Variants in KIF1B observed in about 807,000 individuals in gnomAD.
The protein encoded by KIF1B is kinesin family member 1B, also known as kinesin-like protein KIF1B.
In KIF1B, 76 loss-of-function variants were observed where a neutral mutation model predicts 241.9. The observed-to-expected ratio is 0.31, with a 90% CI of 0.26 to 0.38. KIF1B has a LOEUF of 0.38. Ranked by LOEUF, KIF1B falls within the 10% of genes least tolerant of loss-of-function variation. The probability of loss-of-function intolerance (pLI) is 1.00; values close to 1 mark genes in which losing one functional copy is unlikely to be tolerated. For synonymous variants in KIF1B, 750 were observed against 796.7 expected (o/e 0.94, Z 0.99); for missense variants, 1,622 against 2,271.4 (o/e 0.71, Z 5.81).
At chr1:10,234,365 G>A (rs185381005) in intron 2 of KIF1B, among the ~76,000 whole-genome samples, 1 of 151,954 alleles carries the variant, frequency 6.6e-6, no homozygotes, top group African/African-American at 2.4e-5. Flanking sequence ...CCACCACTAT[G>A]CCTGGCTAAT....
At chr1:10,319,565 C>T (rs1237651615) in intron 22 of KIF1B, among the ~76,000 whole-genome samples, 1 of 152,164 alleles carries the variant, frequency 6.6e-6, no homozygotes, top group Non-Finnish European at 1.5e-5. Flanking sequence ...AAAGAGGAAG[C>T]ATCAAAGTCT....
Position 10,378,561 on chromosome 1 carries a change from T to G in KIF1B, c.*1974T>G. 1 of 651,462 alleles carries G rather than the reference T, an allele frequency of 1.5e-6. No individual in the cohort carries two copies. The highest frequency in any genetic ancestry group is 2.8e-6 in the Non-Finnish European group (1 of 356,312). The allele number at this position is 651,462 out of a possible 1,614,324, so 40.4% of individuals were successfully genotyped here. ...CAGGAAAGTATCTGCTCACTCCCAC[T>G]TGGTGAGTCCTCGGCCTTGAGGTTG... On this transcript the variant is annotated 3_prime_UTR_variant, in exon 49 of 49. Coordinates refer to ENST00000676179, the MANE Select transcript of KIF1B (RefSeq NM_001365951.3).
In KIF1B at chr1:10,381,028, C is replaced by T. The variant is rs1391503475; in HGVS notation, c.*4441C>T. On this transcript the variant is annotated 3_prime_UTR_variant, in exon 49 of 49. Coordinates refer to ENST00000676179, the MANE Select transcript of KIF1B (RefSeq NM_001365951.3). ...TTGCTATAAAATTCAGTAAAAAGCT[C>T]ATAGCCAAACGGCTGTGCTCAGATG... 5 of 222,954 alleles carry T rather than the reference C, an allele frequency of 2.2e-5. No homozygotes were observed. The highest frequency in any genetic ancestry group is 3.7e-4 in the South Asian group (2 of 5,436). The allele number at this position is 222,954 out of a possible 1,614,324, so 13.8% of individuals were successfully genotyped here. A position where few individuals can be genotyped will look rare whatever the true frequency, so the allele number is the denominator to read the frequency against.
At chr1:10,336,543 T>G (rs1652187377) in intron 28 of KIF1B, 114 bp from the exon 29 acceptor site, 1 of 829,196 alleles carries the variant, frequency 1.2e-6, no homozygotes, top group African/African-American at 1.7e-5. Flanking sequence ...TGTTACTACT[T>G]TGGTATCATT....
intron 38 of KIF1B, among the ~76,000 whole-genome samples, chr1:10,360,560 C>T (rs1481986924): frequency 1.3e-5 from 2 of 151,884 alleles, no homozygotes; most frequent in African/African-American, 4.8e-5. Context: ...TGGCGGGCGC[C>T]TGTAATCCCA....
rs559212617 is a variant in KIF1B at position 10,278,268 on chromosome 1, G to C, written c.1180+140G>C. ...TAGTGAAAATGTTTTGTTTTGTTTT[G>C]TTTTCTTTTTCCTTAAAAAACCCAA... On this transcript the variant is annotated intron_variant, in intron 13 of 48. Coordinates refer to ENST00000676179, the MANE Select transcript of KIF1B (RefSeq NM_001365951.3). 385 of 933,976 alleles carry C rather than the reference G, an allele frequency of 4.1e-4. 1 individual carries two copies. The highest frequency in any genetic ancestry group is 9.3e-4 in the Admixed American group (36 of 38,764). 57.9% of individuals were successfully genotyped at this position (933,976 alleles called of 1,614,324 possible). A position where few individuals can be genotyped will look rare whatever the true frequency, so the allele number is the denominator to read the frequency against.
At position 10,365,610 on chromosome 1, in the gene KIF1B, G is replaced by A. The variant is rs1472927510; in HGVS notation, c.4714G>A (p.Glu1572Lys). ...CAGTGGCTATGATTCAGGAGACATC[G>A]AAAGCCTGGTGGACCGAGAGAAAGA... The part of the protein sequence containing the change: ...ESSGYDSGDI[E>K]SLVDREKELA... The change falls in exon 43 of 49, where the codon GAA becomes AAA. Residue 1572 changes from glutamate (E) to lysine (K), a missense_variant. Glu to Lys is a moderately conservative substitution (Grantham distance 56). Around this residue, in one of 7 missense-constraint regions of KIF1B, gnomAD observed 357 missense variants for 409.0 expected, o/e 0.87. Coordinates refer to ENST00000676179, the MANE Select transcript of KIF1B (RefSeq NM_001365951.3). The surrounding 1 kb of genome is among the most constrained non-coding windows in gnomAD (Gnocchi z 4.0). The A allele has an allele frequency of 2.5e-6, 4 of 1,614,118 alleles. No homozygotes were observed. The highest frequency in any genetic ancestry group is 3.3e-5 in the Admixed American group (2 of 60,010).
intron 34 of KIF1B, chr1:10,344,643 C>T (rs188054014): frequency 6.6e-6 from 1 of 152,148 alleles, no homozygotes; most frequent in Non-Finnish European, 1.5e-5. Flanking sequence ...ATCACTTACC[C>T]TATTTTCTTT....
At chr1:10,344,529 TA>T (rs1314674761) in intron 34 of KIF1B, among the ~76,000 whole-genome samples, 1 of 152,206 alleles carries the variant, frequency 6.6e-6, no homozygotes, top group Non-Finnish European at 1.5e-5. Flanking sequence ...CATTTGTTTT[TA>T]TGGATTCTTT....
chr1:10,296,583 T>G lies in KIF1B; in HGVS notation c.1779T>G (p.Val593=). Residue 593 remains valine, a splice_region_variant and synonymous_variant, in exon 20 of 49, where the codon GTT becomes GTG. Transcript: ENST00000676179. ...TTAGTTTGTGTTTGTTCCTCTTAGTTATCGTGACCTTAGAGCCCTGTGAGC... is the reference window on the plus strand; with the variant it reads ...TTAGTTTGTGTTTGTTCCTCTTAGTGATCGTGACCTTAGAGCCCTGTGAGC... ...FRSERSNSGE[V]IVTLEPCERS... is the part of the protein sequence containing the mutation. The G allele has an allele frequency of 6.2e-7, 1 of 1,613,166 alleles. No homozygotes were observed. Among genetic ancestry groups the G allele is most frequent in the Non-Finnish European group, 8.5e-7 (1 of 1,179,218 alleles).
At chr1:10,240,199 G>C (rs1647116470) in intron 2 of KIF1B, among the ~76,000 whole-genome samples, 1 of 151,868 alleles carries the variant, frequency 6.6e-6, no homozygotes, top group African/African-American at 2.4e-5. Context: ...ACCACACCCT[G>C]CCAAACCTTA....
intron 22 of KIF1B, chr1:10,304,687 C>T: frequency 6.2e-7 from 1 of 1,610,790 alleles, no homozygotes; most frequent in Non-Finnish European, 8.5e-7. Context: ...GTGGAAGAAA[C>T]AGACAGTGTT....
At chr1:10,371,897 C>A (rs940897357) in intron 45 of KIF1B, among the ~76,000 whole-genome samples, 6 of 152,096 alleles carry the variant, frequency 3.9e-5, no homozygotes, top group Non-Finnish European at 8.8e-5. Context: ...TATTGCACCA[C>A]TGCATTCCAC....
rs76484005 is a variant in KIF1B at position 10,272,950 on chromosome 1, T to C, written c.865-64T>C. The C allele has an allele frequency of 1.8e-4, 238 of 1,356,694 alleles. No homozygotes were observed. In the African/African-American group the frequency reaches 3.0e-3, roughly 17 times the overall value. 84.0% of individuals were successfully genotyped at this position (1,356,694 alleles called of 1,614,324 possible). On this transcript the variant is annotated intron_variant, in intron 9 of 48. Coordinates refer to ENST00000676179, the MANE Select transcript of KIF1B (RefSeq NM_001365951.3). ...TATGACATGAAATTTAAACAAAATC[T>C]AATTTTCTACTTGGAGGCTTATCCT...
At position 10,307,405 on chromosome 1, in the gene KIF1B, G is replaced by C. The variant is rs1569786098; in HGVS notation, c.2115+10159G>C. ...GCTCACTGCAACCTCTGCCTCCTGGGTTCAAGCAATTCTCCTGTCTCAGCC... is the reference window on the plus strand; with the variant it reads ...GCTCACTGCAACCTCTGCCTCCTGGCTTCAAGCAATTCTCCTGTCTCAGCC... On this transcript the variant is annotated intron_variant, in intron 22 of 48. Transcript: ENST00000676179. 4 of 554,680 alleles carry C rather than the reference G, an allele frequency of 7.2e-6. No individual in the cohort carries two copies. The East Asian group carries it at 3.8e-4, about 53-fold the overall frequency. 34.4% of individuals were successfully genotyped at this position (554,680 alleles called of 1,614,324 possible). A position where few individuals can be genotyped will look rare whatever the true frequency, so the allele number is the denominator to read the frequency against.
chr1:10,290,791 T>A lies in KIF1B; in HGVS notation c.1435-291T>A, dbSNP rs12125535. Among the ~76,000 whole-genome samples, 50,337 of 149,334 alleles carry A rather than the reference T, an allele frequency of 0.34. 8,523 individuals carry two copies. The highest frequency in any genetic ancestry group is 0.38 in the Admixed American group (5,640 of 14,998). The stretch of plus-strand genomic sequence containing the variant: ...AGGCTGAGGCAGGAGAATCACTTGA[T>A]CCCCAGAGGTGAGGTTGCAGTGATC... On this transcript the variant is annotated intron_variant, in intron 15 of 48. Coordinates refer to ENST00000676179, the MANE Select transcript of KIF1B (RefSeq NM_001365951.3).
chr1:10,380,273 C>T lies in KIF1B; in HGVS notation c.*3686C>T, dbSNP rs1258741395. On this transcript the variant is annotated 3_prime_UTR_variant, in exon 49 of 49. Transcript: ENST00000676179. ...GAGAGAAAGGATTCTCCAGTGTGCA[C>T]ACTCATCGGTACTCTTTCTGCATTT... is the stretch of plus-strand genomic sequence containing the variant. The T allele has an allele frequency of 2.8e-5, 6 of 212,112 alleles. No individual in the cohort carries two copies. In the East Asian group the frequency reaches 4.2e-4, roughly 15 times the overall value. The allele number at this position is 212,112 out of a possible 1,614,324, so 13.1% of individuals were successfully genotyped here. A position where few individuals can be genotyped will look rare whatever the true frequency, so the allele number is the denominator to read the frequency against.
chr1:10,223,129 G>GCC (rs140885528), intron 1 of KIF1B, among the ~76,000 whole-genome samples: 21,030 of 151,996 alleles, frequency 0.14, 1,555 homozygotes, highest in African/African-American at 0.18. Flanking sequence ...GCACGCACCT[G>GCC]TAGTCCCAGC....
intron 40 of KIF1B, 46 bp from the exon 41 acceptor site, chr1:10,363,237 T>A: frequency 3.4e-6 from 5 of 1,462,282 alleles, no homozygotes; most frequent in Non-Finnish European, 4.8e-6. Context: ...TTTTCCTGTT[T>A]TTGTGCTTTA....
Sources: allele counts gnomAD v4.1 joint callset (sites outside exome capture counted in the v4.1 genomes callset), GRCh38; gene constraint gnomAD v4.1.1; regional missense constraint gnomAD v4.1.1; non-coding constraint Gnocchi (gnomAD v3.1); transcripts MANE v1.5; gene names NCBI Gene and HGNC (gene_info 2026-07-23, HGNC 2026-07-21).